The following CNTNAP2 variants were observed in gnomAD, a reference collection of about 807,000 sequenced individuals.
CNTNAP2 encodes contactin-associated protein-like 2.
A neutral mutation model predicts 155.2 loss-of-function variants in CNTNAP2; 98 were observed. That is an observed-to-expected ratio of 0.63 (90% CI 0.54 to 0.75). The LOEUF is 0.75. CNTNAP2 is among the 30% of genes least tolerant of loss of function. The pLI is 0.00. For synonymous variants in CNTNAP2, 651 were observed against 631.2 expected, an observed-to-expected ratio of 1.03 and a Z score of -0.47; for missense variants, 1,727 against 1,688.1, an observed-to-expected ratio of 1.02 and a Z score of -0.40.
chr7:148,244,860 G>A (rs1796226960), intron 20 of CNTNAP2, among the ~76,000 whole-genome samples: 1 of 148,690 alleles, frequency 6.7e-6, no homozygotes, highest in Admixed American at 6.7e-5. Context: ...ACCATGCCAG[G>A]CTGTTGCCTT....
chr7:146,142,552 A>G (rs1187729942), intron 1 of CNTNAP2, among the ~76,000 whole-genome samples: 1 of 152,350 alleles, frequency 6.6e-6, no homozygotes, highest in East Asian at 1.9e-4. Flanking sequence ...GGAATTAAAG[A>G]TAGAAAAATC....
chr7:146,254,129 G>GCACA (rs3050025), intron 1 of CNTNAP2, among the ~76,000 whole-genome samples: 3,574 of 144,938 alleles, frequency 0.025, 123 homozygotes, highest in African/African-American at 0.079. Context: ...ATTGCTACTT[G>GCACA]CACACACACA....
intron 16 of CNTNAP2, among the ~76,000 whole-genome samples, chr7:148,144,578 A>T (rs1031799621): frequency 6.6e-6 from 1 of 152,194 alleles, no homozygotes; most frequent in African/African-American, 2.4e-5. Flanking sequence ...ACCATGGCTA[A>T]CTTGTTAGCC....
intron 9 of CNTNAP2, among the ~76,000 whole-genome samples, chr7:147,303,185 C>T (rs1794974820): frequency 6.6e-6 from 1 of 152,200 alleles, no homozygotes; most frequent in Admixed American, 6.5e-5. Flanking sequence ...TTGTGGCAAA[C>T]CACAGACCCT....
At chr7:146,995,316 C>G (rs1798286556) in intron 3 of CNTNAP2, among the ~76,000 whole-genome samples, 1 of 152,060 alleles carries the variant, frequency 6.6e-6, no homozygotes, top group Non-Finnish European at 1.5e-5. Context: ...GATACCTCTT[C>G]AACATAATGA....
intron 9 of CNTNAP2, among the ~76,000 whole-genome samples, chr7:147,347,461 T>TATATATATATGCATATATATATATGC (rs1322128631): frequency 4.8e-5 from 3 of 62,526 alleles, no homozygotes; most frequent in Non-Finnish European, 7.0e-5. Context: ...TATATGCATA[T>TATATATATATGCATATATATATATGC]ATATATATAT....
At chr7:148,224,557 T>C (rs1382136906) in intron 19 of CNTNAP2, among the ~76,000 whole-genome samples, 1 of 152,210 alleles carries the variant, frequency 6.6e-6, no homozygotes, top group Non-Finnish European at 1.5e-5. Flanking sequence ...TACATCTTTA[T>C]TCTGTAAAGA....
At position 147,615,163 on chromosome 7, in the gene CNTNAP2, C is replaced by T. The variant is rs557114385; in HGVS notation, c.1898-23943C>T. On this transcript the variant is annotated intron_variant, in intron 12 of 23. Coordinates refer to ENST00000361727, the MANE Select transcript of CNTNAP2 (RefSeq NM_014141.6). ...CCTGCAGTCTTAGCTACTTGGGAGG[C>T]TGAAGTGGAAGGATCACTTGAGCCT... is the stretch of plus-strand genomic sequence containing the variant. Among the ~76,000 whole-genome samples, 5 of 147,994 alleles carry T rather than the reference C, an allele frequency of 3.4e-5. No homozygotes were observed. The East Asian group carries it at 8.1e-4, about 24-fold the overall frequency.
intron 1 of CNTNAP2, among the ~76,000 whole-genome samples, chr7:146,715,839 G>A (rs1445123526): frequency 6.6e-6 from 1 of 152,152 alleles, no homozygotes; most frequent in Non-Finnish European, 1.5e-5. Flanking sequence ...AGGCCCATGA[G>A]CTTTGGGCAG....
intron 1 of CNTNAP2, among the ~76,000 whole-genome samples, chr7:146,675,092 AT>A (rs1283812399): frequency 5.9e-5 from 9 of 152,160 alleles, no homozygotes; most frequent in Non-Finnish European, 7.3e-5. Flanking sequence ...GCAGGCAAAC[AT>A]TACATCTTAT....
rs144263103 is a variant in CNTNAP2, at chr7:146,379,179, G to A, written c.97+262206G>A. ...AACCTTGGGATTTTCTGCAGAATGG[G>A]TGCCTCTTTCCTGGGTATGTTTTCT... On this transcript the variant is annotated intron_variant, in intron 1 of 23. Transcript: ENST00000361727. Among the ~76,000 whole-genome samples, 1,334 of 152,302 alleles carry A rather than the reference G, an allele frequency of 8.8e-3. 25 individuals carry two copies. Among genetic ancestry groups the A allele is most frequent in the African/African-American group, 0.03 (1,264 of 41,568 alleles).
intron 1 of CNTNAP2, among the ~76,000 whole-genome samples, chr7:146,258,548 C>T (rs906170530): frequency 3.3e-5 from 5 of 152,008 alleles, no homozygotes; most frequent in African/African-American, 4.8e-5. Context: ...CTCTTATTTA[C>T]AATAATTTTT....
At chr7:146,751,777 G>A (rs1801908046) in intron 1 of CNTNAP2, among the ~76,000 whole-genome samples, 1 of 151,408 alleles carries the variant, frequency 6.6e-6, no homozygotes, top group Non-Finnish European at 1.5e-5. Context: ...CCCTCTCCTT[G>A]CCCCCAACCC....
intron 21 of CNTNAP2, among the ~76,000 whole-genome samples, chr7:148,276,249 G>A (rs1796868725): frequency 6.6e-6 from 1 of 152,158 alleles, no homozygotes; most frequent in African/African-American, 2.4e-5. Flanking sequence ...TTGAATATAA[G>A]AAGTTTACCT....
At chr7:147,943,766 C>CAAAA (rs144842680) in intron 14 of CNTNAP2, among the ~76,000 whole-genome samples, 37 of 40,168 alleles carry the variant, frequency 9.2e-4, no homozygotes, top group South Asian at 2.8e-3. Context: ...GACCCCGTCT[C>CAAAA]AAAAAAAAAA....
intron 21 of CNTNAP2, among the ~76,000 whole-genome samples, chr7:148,307,741 G>A (rs1038685399): frequency 1.3e-5 from 2 of 152,118 alleles, no homozygotes; most frequent in Non-Finnish European, 2.9e-5. Flanking sequence ...GCGGAGGTGG[G>A]CAGATCACCT....
rs546152074 is a variant in CNTNAP2, at chr7:146,682,744, C to T, written c.98-91527C>T. Among the ~76,000 whole-genome samples, 5 of 152,178 alleles carry T rather than the reference C, an allele frequency of 3.3e-5. No homozygotes were observed. In the South Asian group the frequency reaches 8.3e-4, roughly 25 times the overall value. On this transcript the variant is annotated intron_variant, in intron 1 of 23. Coordinates refer to ENST00000361727, the MANE Select transcript of CNTNAP2 (RefSeq NM_014141.6). ...TTTTTGGTCAACAGACATTTCAGGG[C>T]AAAGATATTTGCATTGCTAAGCAGA...
At chr7:148,239,037 G>A (rs1266837694) in intron 20 of CNTNAP2, among the ~76,000 whole-genome samples, 1 of 86,360 alleles carries the variant, frequency 1.2e-5, no homozygotes, top group East Asian at 7.6e-4. Context: ...GCTAGCCTAG[G>A]GCACTGCTCT....
intron 9 of CNTNAP2, among the ~76,000 whole-genome samples, chr7:147,370,744 A>G (rs377395327): frequency 2.3e-4 from 35 of 152,252 alleles, no homozygotes; most frequent in African/African-American, 7.9e-4. Context: ...GTCTTTACCA[A>G]TGTTCTATTA....
Sources: allele counts gnomAD v4.1 joint callset (sites outside exome capture counted in the v4.1 genomes callset), GRCh38; gene constraint gnomAD v4.1.1; transcripts MANE v1.5; gene names NCBI Gene and HGNC (gene_info 2026-07-23, HGNC 2026-07-21).